The following LRP12 variants were observed in gnomAD, a reference collection of about 807,000 sequenced individuals.
LRP12 encodes low-density lipoprotein receptor-related protein 12.
A neutral mutation model predicts 66.0 loss-of-function variants in LRP12; 14 were observed. That is an observed-to-expected ratio of 0.21 (90% CI 0.14 to 0.33). The LOEUF (loss-of-function observed/expected upper bound fraction) is 0.33, where lower values mean the gene tolerates loss of function less well. Among genes scored for constraint, LRP12 ranks in the 10% least tolerant of loss-of-function variants. LRP12 has a pLI of 1.00. For synonymous variants in LRP12, 357 were observed against 359.1 expected, an observed-to-expected ratio of 0.99 and a Z score of 0.07; for missense variants, 889 against 1,053.4, an observed-to-expected ratio of 0.84 and a Z score of 2.16.
chr8:104,545,188 G>A (rs1417466060), intron 1 of LRP12, among the ~76,000 whole-genome samples: 2 of 152,198 alleles, frequency 1.3e-5, no homozygotes, highest in Non-Finnish European at 2.9e-5. Flanking sequence ...GCCTGAATAT[G>A]TGACTGAATT....
chr8:104,554,610 C>T (rs1436609547), intron 1 of LRP12, among the ~76,000 whole-genome samples: 3 of 151,874 alleles, frequency 2.0e-5, no homozygotes, highest in Non-Finnish European at 4.4e-5. Flanking sequence ...AACAAAGACT[C>T]CAAGAAATTT....
At chr8:104,534,905 C>G (rs1377826793) in intron 1 of LRP12, among the ~76,000 whole-genome samples, 2 of 151,550 alleles carry the variant, frequency 1.3e-5, no homozygotes, top group Admixed American at 1.3e-4. Context: ...CCTCCCAAAC[C>G]CCAAGAAAAT....
At chr8:104,543,607 A>G (rs1811511280) in intron 1 of LRP12, among the ~76,000 whole-genome samples, 1 of 152,172 alleles carries the variant, frequency 6.6e-6, no homozygotes, top group Non-Finnish European at 1.5e-5. Context: ...GAACACTCAC[A>G]CATTTCTCAC....
At chr8:104,572,396 G>T (rs966009250) in intron 1 of LRP12, among the ~76,000 whole-genome samples, 3 of 152,032 alleles carry the variant, frequency 2.0e-5, no homozygotes, top group Admixed American at 6.6e-5. Context: ...AAGAGAGTCA[G>T]TTTTACTGTA....
In LRP12 at chr8:104,491,260, C is replaced by T. The variant is rs748854311; in HGVS notation, c.1993G>A (p.Ala665Thr). 3.1e-6 allele frequency: 5 copies of T among 1,613,988 alleles called. No homozygotes were observed. Among genetic ancestry groups the T allele is most frequent in the Non-Finnish European group, 4.2e-6 (5 of 1,180,030 alleles). ...TDTENERRDM[A>T]GASGGVAAPL... ...GCTGCAACCCCACCAGATGCTCCTGCCATATCTCTTCTCTCATTTTCTGTG... is the reference window on the plus strand; with the variant it reads ...GCTGCAACCCCACCAGATGCTCCTGTCATATCTCTTCTCTCATTTTCTGTG... The change falls in exon 7 of 7, where the codon GCA becomes ACA. Residue 665 changes from alanine (A) to threonine (T), a missense_variant. Transcript: ENST00000276654.
chr8:104,546,916 TTATA>T (rs1811569742), intron 1 of LRP12, among the ~76,000 whole-genome samples: 1 of 138,402 alleles, frequency 7.2e-6, no homozygotes, highest in African/African-American at 3.0e-5. Flanking sequence ...TATTATATAA[TTATA>T]TATAATTATA....
intron 1 of LRP12, among the ~76,000 whole-genome samples, chr8:104,580,358 TAAAAAA>T (rs774764260): frequency 2.2e-5 from 2 of 92,196 alleles, no homozygotes; most frequent in African/African-American, 8.1e-5. Context: ...CTACTAAAAA[TAAAAAA>T]AAAAAAAAAA....
At chr8:104,528,420 G>C (rs186016218) in intron 2 of LRP12, among the ~76,000 whole-genome samples, 2 of 152,196 alleles carry the variant, frequency 1.3e-5, no homozygotes, top group African/African-American at 4.8e-5. Context: ...GGGATGCAAG[G>C]ATTTCAGAAA....
At chr8:104,513,423 A>G (rs1292388308) in intron 2 of LRP12, among the ~76,000 whole-genome samples, 1 of 152,042 alleles carries the variant, frequency 6.6e-6, no homozygotes, top group Non-Finnish European at 1.5e-5. Flanking sequence ...TTCCCACTAT[A>G]TTTCTGATAG....
At chr8:104,585,201 A>G (rs1475694208) in intron 1 of LRP12, among the ~76,000 whole-genome samples, 1 of 152,200 alleles carries the variant, frequency 6.6e-6, no homozygotes, top group African/African-American at 2.4e-5. Context: ...TGATATACAA[A>G]CAAGAAACAT....
intron 1 of LRP12, among the ~76,000 whole-genome samples, chr8:104,577,461 A>G (rs1187254662): frequency 6.6e-6 from 1 of 152,240 alleles, no homozygotes; most frequent in Non-Finnish European, 1.5e-5. Flanking sequence ...AAATTAAATA[A>G]TCTGCTCCTG....
intron 1 of LRP12, among the ~76,000 whole-genome samples, chr8:104,568,118 A>T (rs1812032136): frequency 6.6e-6 from 1 of 152,218 alleles, no homozygotes. Context: ...GTAAACTCTC[A>T]TTAATTTCAG....
chr8:104,538,944 T>C (rs1237488669), intron 1 of LRP12, among the ~76,000 whole-genome samples: 1 of 152,146 alleles, frequency 6.6e-6, no homozygotes, highest in Non-Finnish European at 1.5e-5. Flanking sequence ...TTTACCAGTT[T>C]ACTGAAAAAG....
intron 1 of LRP12, among the ~76,000 whole-genome samples, chr8:104,575,089 GA>G (rs911988533): frequency 6.6e-6 from 1 of 152,200 alleles, no homozygotes; most frequent in Non-Finnish European, 1.5e-5. Flanking sequence ...TGGTGTGGGA[GA>G]GGGGGAAGGG....
chr8:104,567,870 C>A (rs978663550), intron 1 of LRP12, among the ~76,000 whole-genome samples: 1 of 152,186 alleles, frequency 6.6e-6, no homozygotes, highest in South Asian at 2.1e-4. Context: ...AGATTCCATG[C>A]AATCCCTATC....
chr8:104,570,603 TCA>T (rs1437183968), intron 1 of LRP12, among the ~76,000 whole-genome samples: 3 of 152,170 alleles, frequency 2.0e-5, no homozygotes, highest in Admixed American at 1.3e-4. Flanking sequence ...TTTTTAAACC[TCA>T]TACCTTTTAA....
intron 3 of LRP12, among the ~76,000 whole-genome samples, chr8:104,499,780 T>C (rs574191279): frequency 2.0e-5 from 3 of 152,200 alleles, no homozygotes; most frequent in South Asian, 2.1e-4. Flanking sequence ...CAGGTGACAG[T>C]TGGCACCTTT....
chr8:104,503,256 G>A (rs374600037), intron 3 of LRP12, among the ~76,000 whole-genome samples: 1 of 146,452 alleles, frequency 6.8e-6, no homozygotes, highest in East Asian at 2.0e-4. Flanking sequence ...GAACCCGGGA[G>A]GCAAAGGTTG....
chr8:104,551,250 A>G (rs1384127191), intron 1 of LRP12, among the ~76,000 whole-genome samples: 4 of 152,162 alleles, frequency 2.6e-5, no homozygotes, highest in Admixed American at 2.6e-4. Context: ...AATTCTGTCT[A>G]CCTTAGGATG....
Sources: allele counts gnomAD v4.1 joint callset (sites outside exome capture counted in the v4.1 genomes callset), GRCh38; gene constraint gnomAD v4.1.1; transcripts MANE v1.5; gene names NCBI Gene and HGNC (gene_info 2026-07-23, HGNC 2026-07-21).